Variants in LRRC75A observed in about 807,000 individuals in gnomAD.
LRRC75A encodes the protein leucine-rich repeat-containing protein 75A.
A neutral mutation model predicts 26.0 loss-of-function variants in LRRC75A; 12 were observed. That is an observed-to-expected ratio of 0.46 (90% CI 0.30 to 0.75). LRRC75A has a LOEUF of 0.75. LRRC75A is among the 30% of genes least tolerant of loss of function. The pLI, the probability that LRRC75A is intolerant of heterozygous loss-of-function variation, is 0.08. For missense variants in LRRC75A, 410 were observed against 486.6 expected (o/e 0.84, Z 1.48); for synonymous variants, 223 against 219.3 (o/e 1.02, Z -0.15).
Position 16,462,190 on chromosome 17 carries a change from T to C in LRRC75A, c.375+68A>G. 1 of 1,588,032 alleles carries C rather than the reference T, an allele frequency of 6.3e-7. No homozygotes were observed. Among genetic ancestry groups the C allele is most frequent in the Non-Finnish European group, 8.6e-7 (1 of 1,164,688 alleles). ...TGCCAGTCCTCCTTGGGCATACAGC[T>C]GCTCTGCCCAGAAAGGCACCCACCG... is the stretch of plus-strand genomic sequence containing the variant. On this transcript the variant is annotated intron_variant, in intron 2 of 3. Transcript: ENST00000470794. This position sits in a 1 kb window ranked among gnomAD's most constrained non-coding sequence, Gnocchi z 4.6.
chr17:16,445,188 G>GTTTT (rs2093573024), intron 3 of LRRC75A, among the ~76,000 whole-genome samples: 1 of 78,950 alleles, frequency 1.3e-5, no homozygotes, highest in Admixed American at 1.7e-4. Flanking sequence ...TTTTTTTTGA[G>GTTTT]ACAGTCTTGT....
At chr17:16,474,294 G>C (rs1259616834) in intron 1 of LRRC75A, among the ~76,000 whole-genome samples, 1 of 152,206 alleles carries the variant, frequency 6.6e-6, no homozygotes, top group East Asian at 1.9e-4. Context: ...CAGAGTTGGA[G>C]AGGGCAGCAG....
In LRRC75A at chr17:16,491,773, G is replaced by A; in HGVS notation, c.218C>T (p.Ala73Val). The A allele has an allele frequency of 1.4e-6, 2 of 1,423,374 alleles. No homozygotes were observed. The highest frequency in any genetic ancestry group is 9.2e-7 in the Non-Finnish European group (1 of 1,088,624). The allele number at this position is 1,423,374 out of a possible 1,614,324, so 88.2% of individuals were successfully genotyped here. A position where few individuals can be genotyped will look rare whatever the true frequency, so the allele number is the denominator to read the frequency against. Reference protein sequence around the residue: ...RMVRQGRREEAGTLLQHLRQD... With the variant: ...RMVRQGRREEVGTLLQHLRQD... ...GCGCAGGTGCTGCAGCAGCGTCCCCGCCTCCTCCCGCCGGCCCTGGCGCAC... is the reference window on the plus strand; with the variant it reads ...GCGCAGGTGCTGCAGCAGCGTCCCCACCTCCTCCCGCCGGCCCTGGCGCAC... The change falls in exon 1 of 4, where the codon GCG becomes GTG. Residue 73 changes from alanine to valine, a missense_variant. Physicochemically the swap from Ala to Val is moderately conservative, Grantham distance 64. Coordinates refer to ENST00000470794, the MANE Select transcript of LRRC75A (RefSeq NM_001113567.3). This position sits in a 1 kb window ranked among gnomAD's most constrained non-coding sequence, Gnocchi z 5.9.
At chr17:16,449,877 AAAGTGCTGGGATTAC>A (rs1466395786) in intron 2 of LRRC75A, among the ~76,000 whole-genome samples, 1 of 152,184 alleles carries the variant, frequency 6.6e-6, no homozygotes, top group African/African-American at 2.4e-5. Flanking sequence ...TTGGCCTCCC[AAAGTGCTGGGATTAC>A]AGGTGTGAGC....
At chr17:16,444,454 T>C (rs1158712962) in intron 3 of LRRC75A, among the ~76,000 whole-genome samples, 1 of 152,198 alleles carries the variant, frequency 6.6e-6, no homozygotes, top group Non-Finnish European at 1.5e-5. Context: ...CCTTGTATAG[T>C]AGGCGAGTGA....
intron 1 of LRRC75A, among the ~76,000 whole-genome samples, chr17:16,490,048 C>T (rs1568990061): frequency 6.6e-6 from 1 of 152,202 alleles, no homozygotes; most frequent in Non-Finnish European, 1.5e-5. Flanking sequence ...TGTGGAATCA[C>T]ACTCAGCCCT....
At chr17:16,454,147 T>C (rs2093657261) in intron 2 of LRRC75A, among the ~76,000 whole-genome samples, 1 of 152,096 alleles carries the variant, frequency 6.6e-6, no homozygotes, top group Non-Finnish European at 1.5e-5. Context: ...TCCCAGCACT[T>C]TGGGAGGCCG....
chr17:16,476,633 C>T (rs1048372633), intron 1 of LRRC75A, among the ~76,000 whole-genome samples: 3 of 151,542 alleles, frequency 2.0e-5, no homozygotes, highest in East Asian at 2.0e-4. Context: ...GGCGTGACCT[C>T]GGCTCACTGC....
intron 1 of LRRC75A, among the ~76,000 whole-genome samples, chr17:16,475,751 A>AT (rs2093818147): frequency 6.6e-6 from 1 of 151,988 alleles, no homozygotes; most frequent in Non-Finnish European, 1.5e-5. Flanking sequence ...AAAAAAAAAA[A>AT]TTTTGTAGAA....
chr17:16,478,019 CCT>C (rs1164955035), intron 1 of LRRC75A, among the ~76,000 whole-genome samples: 2 of 151,518 alleles, frequency 1.3e-5, no homozygotes, highest in Non-Finnish European at 2.9e-5. Context: ...GCATCTCAGG[CCT>C]CTCTCTCCAT....
At chr17:16,463,758 T>C (rs1384000531) in intron 1 of LRRC75A, 2 of 152,286 alleles carry the variant, frequency 1.3e-5, no homozygotes, top group Non-Finnish European at 2.9e-5. Context: ...TCATCATATA[T>C]TCTCTACAGA....
chr17:16,475,499 G>A (rs559472842), intron 1 of LRRC75A, among the ~76,000 whole-genome samples: 14 of 152,178 alleles, frequency 9.2e-5, no homozygotes, highest in African/African-American at 3.1e-4. Context: ...CTTTTCTCTT[G>A]GAGCCTTCAA....
intron 1 of LRRC75A, among the ~76,000 whole-genome samples, chr17:16,484,385 C>A (rs530619263): frequency 6.6e-6 from 1 of 152,246 alleles, no homozygotes; most frequent in African/African-American, 2.4e-5. Context: ...AATCCACCCC[C>A]TAAGCAGCAA....
intron 2 of LRRC75A, among the ~76,000 whole-genome samples, chr17:16,456,230 G>A (rs76588350): frequency 1.8e-4 from 9 of 50,690 alleles, no homozygotes; most frequent in African/African-American, 6.5e-4. Flanking sequence ...AGGAAGAAGA[G>A]GAGAAAGGAG....
intron 2 of LRRC75A, among the ~76,000 whole-genome samples, chr17:16,451,419 G>A (rs1004307588): frequency 6.6e-6 from 1 of 152,006 alleles, no homozygotes; most frequent in Non-Finnish European, 1.5e-5. Context: ...TCAGGAGTTC[G>A]AGATCAGCCT....
chr17:16,483,010 T>G (rs1195227753), intron 1 of LRRC75A, among the ~76,000 whole-genome samples: 1 of 151,882 alleles, frequency 6.6e-6, no homozygotes, highest in African/African-American at 2.4e-5. Context: ...CAGACGAGCA[T>G]GGAGAGCAGC....
intron 2 of LRRC75A, among the ~76,000 whole-genome samples, chr17:16,450,050 A>G (rs971283193): frequency 2.0e-5 from 3 of 152,242 alleles, no homozygotes; most frequent in Middle Eastern, 3.4e-3. Flanking sequence ...TGTTACTGAC[A>G]TGAGGGCAGG....
intron 2 of LRRC75A, among the ~76,000 whole-genome samples, chr17:16,453,816 C>T (rs577959459): frequency 6.6e-6 from 1 of 152,084 alleles, no homozygotes. Flanking sequence ...TCTTCTCCCC[C>T]AGAGTGAGTC....
Position 16,445,917 on chromosome 17 carries a change from T to C in LRRC75A, c.492-1786A>G, listed in dbSNP as rs572840132. Reference sequence around the variant, plus strand: ...TATCTCCTCCCTAATTTGTTCCTTTTTGTTTCTTGGAGATGGAGTCTCACT... The same window carrying C: ...TATCTCCTCCCTAATTTGTTCCTTTCTGTTTCTTGGAGATGGAGTCTCACT... On this transcript the variant is annotated intron_variant, in intron 3 of 3. Coordinates refer to ENST00000470794, the MANE Select transcript of LRRC75A (RefSeq NM_001113567.3). Among the ~76,000 whole-genome samples the C allele has an allele frequency of 2.0e-5, 3 of 152,328 alleles. No homozygotes were observed. In the East Asian group the frequency reaches 5.8e-4, roughly 29 times the overall value.
Sources: gnomAD v4.1 joint callset for allele counts (sites outside exome capture counted in the v4.1 genomes callset) on GRCh38, gnomAD v4.1.1 for gene constraint, Gnocchi (gnomAD v3.1) non-coding constraint, MANE v1.5 for transcripts, NCBI Gene and HGNC (gene_info 2026-07-23, HGNC 2026-07-21) for gene names.